Variants in ZNF292 observed in about 807,000 individuals in gnomAD.
ZNF292 encodes 16 zinc-finger domain protein.
A neutral mutation model predicts 217.9 loss-of-function variants in ZNF292; 26 were observed. The observed-to-expected ratio is 0.12, with a 90% confidence interval of 0.09 to 0.17. ZNF292 has a LOEUF of 0.17. ZNF292 is among the 10% of genes least tolerant of loss of function. ZNF292 has a pLI of 1.00. For missense variants in ZNF292, 2,904 were observed against 3,175.2 expected (o/e 0.91, Z 2.05); for synonymous variants, 1,257 against 1,124.1 (o/e 1.12, Z -2.37).
At chr6:87,230,060 T>C (rs989587069) in intron 4 of ZNF292, among the ~76,000 whole-genome samples, 3 of 152,188 alleles carry the variant, frequency 2.0e-5, no homozygotes, top group African/African-American at 7.2e-5. Context: ...AACTAGGTGA[T>C]AGATTGATGT....
intron 1 of ZNF292, among the ~76,000 whole-genome samples, chr6:87,198,179 A>T (rs953509617): frequency 1.6e-5 from 2 of 126,656 alleles, no homozygotes; most frequent in African/African-American, 3.4e-5. Flanking sequence ...TTGCATGTTT[A>T]TTTTATTTAT....
rs750662893 is a variant in ZNF292 at position 87,259,157 on chromosome 6, G to C, written c.5528G>C (p.Gly1843Ala). The C allele has an allele frequency of 1.2e-6, 2 of 1,613,298 alleles. No homozygotes were observed. The highest frequency in any genetic ancestry group is 1.7e-6 in the Non-Finnish European group (2 of 1,179,600). The stretch of plus-strand genomic sequence containing the variant: ...GATCAAATACAGGAAATTTTAGAAG[G>C]CTTACAGAAATTAAAATTAGAAAAT... ...KEDQIQEILE[G>A]LQKLKLENDL... Residue 1843 changes from glycine (G) to alanine (A), a missense_variant, in exon 8 of 8, where the codon GGC becomes GCC. Transcript: ENST00000369577.
At chr6:87,189,374 T>G (rs1771761645) in intron 1 of ZNF292, among the ~76,000 whole-genome samples, 2 of 152,068 alleles carry the variant, frequency 1.3e-5, no homozygotes, top group African/African-American at 4.8e-5. Flanking sequence ...TGTGTCACAA[T>G]TAATGATCCA....
At chr6:87,173,111 G>A (rs894671520) in intron 1 of ZNF292, among the ~76,000 whole-genome samples, 1 of 151,866 alleles carries the variant, frequency 6.6e-6, no homozygotes, top group Non-Finnish European at 1.5e-5. Flanking sequence ...GAGAGTGACA[G>A]CAGCTCTTAC....
At chr6:87,196,759 C>T (rs1338351666) in intron 1 of ZNF292, among the ~76,000 whole-genome samples, 2 of 152,178 alleles carry the variant, frequency 1.3e-5, no homozygotes, top group Non-Finnish European at 2.9e-5. Flanking sequence ...GACACACACA[C>T]AAAATCTTGA....
At chr6:87,194,176 GA>G (rs1771895772) in intron 1 of ZNF292, among the ~76,000 whole-genome samples, 1 of 152,028 alleles carries the variant, frequency 6.6e-6, no homozygotes, top group South Asian at 2.1e-4. Context: ...AGTAAGTGTG[GA>G]AAACAGAATA....
At chr6:87,213,366 C>T (rs1273003609) in intron 1 of ZNF292, among the ~76,000 whole-genome samples, 1 of 152,156 alleles carries the variant, frequency 6.6e-6, no homozygotes, top group African/African-American at 2.4e-5. Context: ...AAGGGTGCTC[C>T]TTGCAGATGG....
rs1306399556 is a variant in ZNF292 at position 87,163,849 on chromosome 6, A to C, written c.168+8090A>C. ...TTCAAACTGGCATTTTTGGAGAAAA[A>C]TGCCAAGTGATAGGATTGAAAGGAT... On this transcript the variant is annotated intron_variant, in intron 1 of 7. Transcript: ENST00000369577. 4.6e-5 allele frequency among the ~76,000 whole-genome samples: 7 copies of C among 152,052 alleles called. No individual in the cohort carries two copies. In the East Asian group the frequency reaches 1.2e-3, roughly 25 times the overall value.
At chr6:87,199,708 C>T (rs1772054192) in intron 1 of ZNF292, among the ~76,000 whole-genome samples, 1 of 152,142 alleles carries the variant, frequency 6.6e-6, no homozygotes, top group Non-Finnish European at 1.5e-5. Context: ...ATCACATGCC[C>T]TCTGGTTCAG....
intron 4 of ZNF292, 126 bp downstream of exon 4, chr6:87,218,857 A>T: frequency 9.4e-7 from 1 of 1,065,206 alleles, no homozygotes; most frequent in Non-Finnish European, 1.3e-6. Context: ...ATATCTTCTG[A>T]GGTGTGCTTG....
rs116129226 is a variant in ZNF292, at chr6:87,219,646, G to T, written c.538+915G>T. ...TCTCTTTAGATTGGTTATTCCTACTGGATTTCTGTCTTCACCATTTTCTCC... is the reference window on the plus strand; with the variant it reads ...TCTCTTTAGATTGGTTATTCCTACTTGATTTCTGTCTTCACCATTTTCTCC... On this transcript the variant is annotated intron_variant, in intron 4 of 7. Transcript: ENST00000369577. 3.6e-3 allele frequency among the ~76,000 whole-genome samples: 551 copies of T among 152,102 alleles called. 2 individuals carry two copies. The highest frequency in any genetic ancestry group is 0.013 in the African/African-American group (530 of 41,510).
chr6:87,237,667 A>G (rs550225813), intron 5 of ZNF292, among the ~76,000 whole-genome samples: 1 of 152,380 alleles, frequency 6.6e-6, no homozygotes, highest in African/African-American at 2.4e-5. Flanking sequence ...TTTAAAACAT[A>G]CAAATTATTA....
intron 1 of ZNF292, among the ~76,000 whole-genome samples, chr6:87,198,223 G>C (rs1359915983): frequency 6.7e-6 from 1 of 149,294 alleles, no homozygotes; most frequent in African/African-American, 2.5e-5. Context: ...TTTATTTTTT[G>C]AGATGGAGTC....
intron 4 of ZNF292, among the ~76,000 whole-genome samples, 190 bp from the exon 5 acceptor site, chr6:87,233,135 T>C (rs1300796695): frequency 6.6e-6 from 1 of 152,160 alleles, no homozygotes; most frequent in Non-Finnish European, 1.5e-5. Flanking sequence ...GTACTTAACT[T>C]TTAAAAGTTA....
chr6:87,243,676 A>C, intron 6 of ZNF292, 65 bp downstream of exon 6: 2 of 1,327,140 alleles, frequency 1.5e-6, no homozygotes, highest in Non-Finnish European at 2.0e-6. Flanking sequence ...AGGCTGTGAG[A>C]ATTCATATAA....
chr6:87,259,127 A>G lies in ZNF292; in HGVS notation c.5498A>G (p.Lys1833Arg). 1 of 1,613,370 alleles carries G rather than the reference A, an allele frequency of 6.2e-7. No individual in the cohort carries two copies. The change falls in exon 8 of 8, where the codon AAG becomes AGG. Residue 1833 changes from lysine to arginine, a missense_variant. This residue lies in a region of ZNF292 where 622 missense variants were observed against 573.1 expected (regional missense o/e 1.09). Transcript: ENST00000369577. Reference protein sequence around the residue: ...SNIPQSEVSHKEDQIQEILEG... With the variant: ...SNIPQSEVSHREDQIQEILEG... Reference sequence around the variant, plus strand: ...ATTCCTCAGTCTGAAGTATCACATAAGGAGGATCAAATACAGGAAATTTTA... The same window carrying G: ...ATTCCTCAGTCTGAAGTATCACATAGGGAGGATCAAATACAGGAAATTTTA...
In ZNF292 at chr6:87,259,488, A is replaced by C. The variant is rs1487449615; in HGVS notation, c.5859A>C (p.Thr1953=). 1 of 1,589,164 alleles carries C rather than the reference A, an allele frequency of 6.3e-7. No homozygotes were observed. The highest frequency in any genetic ancestry group is 8.6e-7 in the Non-Finnish European group (1 of 1,166,356). ...KFAPFKCVVP[T]CTKTFTRNSN... is the part of the protein sequence containing the mutation. The stretch of plus-strand genomic sequence containing the variant: ...CTCCCTTTAAATGTGTAGTACCTAC[A>C]TGTACAAAAACATTTACAAGAAATT... The change falls in exon 8 of 8, where the codon ACA becomes ACC. Residue 1953 remains threonine, a synonymous_variant. Transcript: ENST00000369577.
rs1446296846 is a variant in ZNF292, at chr6:87,258,054, GACTA to G, written c.4429_4432del (p.Asn1477LeufsTer46). 1 of 1,613,756 alleles carries G rather than the reference GACTA, an allele frequency of 6.2e-7. No individual in the cohort carries two copies. Among genetic ancestry groups the G allele is most frequent in the Non-Finnish European group, 8.5e-7 (1 of 1,179,802 alleles). On this transcript the variant is annotated frameshift_variant, in exon 8 of 8. Transcript: ENST00000369577. LOFTEE classifies it high-confidence loss of function. ...CAAATACATTTCCTCGATCTGGTGT[GACTA>G]ACTTTAATACCAGTGTCAGTCAAGA...
intron 6 of ZNF292, among the ~76,000 whole-genome samples, chr6:87,244,061 GC>G (rs1774445643): frequency 6.8e-6 from 1 of 148,142 alleles, no homozygotes; most frequent in African/African-American, 2.5e-5. Context: ...AATTAGCTTA[GC>G]TAACACTGAC....
Sources: gnomAD v4.1 joint callset for allele counts (sites outside exome capture counted in the v4.1 genomes callset) on GRCh38, gnomAD v4.1.1 for gene constraint, gnomAD v4.1.1 regional missense constraint, MANE v1.5 for transcripts, NCBI Gene and HGNC (gene_info 2026-07-23, HGNC 2026-07-21) for gene names.